The following MALRD1 variants were observed in gnomAD, a reference collection of about 807,000 sequenced individuals.
MALRD1 encodes the protein MAM and LDL-receptor class A domain-containing protein 1.
A neutral mutation model predicts 242.1 loss-of-function variants in MALRD1; 247 were observed. The ratio of observed to expected loss-of-function variants is 1.02; its 90% confidence interval spans 0.92 to 1.13. The LOEUF is 1.13. MALRD1 is among the 50% of genes most tolerant of loss of function. The pLI is 0.00. For missense variants in MALRD1, 2,989 were observed against 2,533.1 expected, an observed-to-expected ratio of 1.18 and a Z score of -3.86; for synonymous variants, 995 against 866.6, an observed-to-expected ratio of 1.15 and a Z score of -2.60.
intron 29 of MALRD1, among the ~76,000 whole-genome samples, chr10:19,471,440 T>A (rs1836490480): frequency 6.6e-6 from 1 of 151,808 alleles, no homozygotes; most frequent in African/African-American, 2.4e-5. Flanking sequence ...CGATATGAAT[T>A]TTAGGACTTT....
At chr10:19,302,043 A>G (rs951442129) in intron 21 of MALRD1, among the ~76,000 whole-genome samples, 1 of 151,882 alleles carries the variant, frequency 6.6e-6, no homozygotes, top group African/African-American at 2.4e-5. Context: ...GAAAATTCAA[A>G]TCAAAACCAG....
chr10:19,606,515 C>G (rs1838633790), intron 34 of MALRD1, among the ~76,000 whole-genome samples: 1 of 152,120 alleles, frequency 6.6e-6, no homozygotes, highest in Non-Finnish European at 1.5e-5. Flanking sequence ...GGTTAGAAAA[C>G]AAGTATAGAT....
In MALRD1 at chr10:19,480,230, C is replaced by T. The variant is rs371998978; in HGVS notation, c.5030-11287C>T. 5.8e-4 allele frequency among the ~76,000 whole-genome samples: 88 copies of T among 152,226 alleles called. 1 individual carries two copies. The South Asian group carries it at 0.018, about 32-fold the overall frequency. Reference sequence around the variant, plus strand: ...GAAGCTAGTGTGTGAATTTTTAATCCTGTTTAGTGTGTCTGATATGTTGCG... The same window carrying T: ...GAAGCTAGTGTGTGAATTTTTAATCTTGTTTAGTGTGTCTGATATGTTGCG... On this transcript the variant is annotated intron_variant, in intron 29 of 39. Coordinates refer to ENST00000454679, the MANE Select transcript of MALRD1 (RefSeq NM_001142308.3).
chr10:19,680,250 C>T (rs1362485051), intron 36 of MALRD1, among the ~76,000 whole-genome samples: 2 of 152,186 alleles, frequency 1.3e-5, no homozygotes, highest in East Asian at 1.9e-4. Context: ...TTAAAGTCTT[C>T]CACTATTATT....
intron 16 of MALRD1, 73 bp downstream of exon 16, chr10:19,204,486 C>G (rs2358348): frequency 0.72 from 663,727 of 925,134 alleles, 240,230 homozygotes; most frequent in South Asian, 0.83. Context: ...AGGCATACCT[C>G]TGCACTTATT....
chr10:19,274,521 G>A (rs1015539580), intron 19 of MALRD1, among the ~76,000 whole-genome samples: 5 of 152,118 alleles, frequency 3.3e-5, no homozygotes, highest in Non-Finnish European at 5.9e-5. Context: ...AGGATACAAG[G>A]AGAAAATGGC....
At chr10:19,470,406 T>A (rs1224305346) in intron 29 of MALRD1, among the ~76,000 whole-genome samples, 1 of 152,044 alleles carries the variant, frequency 6.6e-6, no homozygotes, top group East Asian at 1.9e-4. Context: ...CGATACCAGG[T>A]GTAAATATCT....
intron 38 of MALRD1, among the ~76,000 whole-genome samples, chr10:19,716,210 G>A (rs1834378879): frequency 6.6e-6 from 1 of 152,146 alleles, no homozygotes; most frequent in Admixed American, 6.5e-5. Context: ...AAAAGGAGGT[G>A]GTATGGTTTG....
At chr10:19,401,310 A>G (rs1280696355) in intron 28 of MALRD1, among the ~76,000 whole-genome samples, 2 of 152,174 alleles carry the variant, frequency 1.3e-5, no homozygotes, top group Non-Finnish European at 2.9e-5. Flanking sequence ...ACTTATTAAC[A>G]TATTTAGCTT....
At position 19,084,527 on chromosome 10, in the gene MALRD1, T is replaced by A. The variant is rs11008417; in HGVS notation, c.341-3313T>A. Reference sequence around the variant, plus strand: ...TCTGTAGCATGCAACAGGATTTATGTTTCTCCTGCTCACATTCAGGTCCAT... The same window carrying A: ...TCTGTAGCATGCAACAGGATTTATGATTCTCCTGCTCACATTCAGGTCCAT... On this transcript the variant is annotated intron_variant, in intron 2 of 39. Transcript: ENST00000454679. Among the ~76,000 whole-genome samples the A allele has an allele frequency of 2.6e-4, 40 of 152,044 alleles. No individual in the cohort carries two copies. In the East Asian group the frequency reaches 6.8e-3, roughly 26 times the overall value.
intron 32 of MALRD1, among the ~76,000 whole-genome samples, chr10:19,550,923 A>G (rs951894391): frequency 6.6e-6 from 1 of 152,112 alleles, no homozygotes; most frequent in African/African-American, 2.4e-5. Flanking sequence ...GAATCACCAC[A>G]CTGTCTTCCA....
intron 31 of MALRD1, among the ~76,000 whole-genome samples, chr10:19,518,337 ATAAC>A (rs1318432915): frequency 1.3e-5 from 2 of 152,226 alleles, no homozygotes; most frequent in African/African-American, 4.8e-5. Context: ...GTGTCCATAA[ATAAC>A]TGTCTTCTGA....
chr10:19,611,237 A>G lies in MALRD1; in HGVS notation c.6070+3335A>G, dbSNP rs189905704. Among the ~76,000 whole-genome samples the G allele has an allele frequency of 1.8e-3, 279 of 152,056 alleles. 2 individuals are homozygous for G. Among genetic ancestry groups the G allele is most frequent in the Middle Eastern group, 0.014 (4 of 294 alleles). On this transcript the variant is annotated intron_variant, in intron 35 of 39. Coordinates refer to ENST00000454679, the MANE Select transcript of MALRD1 (RefSeq NM_001142308.3). ...CTAGCTCAAAGTCCCATAAGTCTTAAATGACTGAGCCAGGTATCATCAGGG... is the reference window on the plus strand; with the variant it reads ...CTAGCTCAAAGTCCCATAAGTCTTAGATGACTGAGCCAGGTATCATCAGGG...
intron 29 of MALRD1, among the ~76,000 whole-genome samples, chr10:19,455,300 T>C (rs1835585883): frequency 6.6e-6 from 1 of 152,196 alleles, no homozygotes; most frequent in Non-Finnish European, 1.5e-5. Context: ...TTTAAATGAC[T>C]TCTGAAATTT....
At chr10:19,307,945 G>A (rs549460969) in intron 21 of MALRD1, among the ~76,000 whole-genome samples, 3 of 151,452 alleles carry the variant, frequency 2.0e-5, no homozygotes, top group Admixed American at 6.6e-5. Context: ...TACATATGAT[G>A]TTTTGATACA....
Position 19,498,680 on chromosome 10 carries a change from C to T in MALRD1, c.5320+34C>T, listed in dbSNP as rs1427968474. 4 of 1,530,372 alleles carry T rather than the reference C, an allele frequency of 2.6e-6. No homozygotes were observed. The African/African-American group carries it at 5.5e-5, about 21-fold the overall frequency. The allele number at this position is 1,530,372 out of a possible 1,614,324, so 94.8% of individuals were successfully genotyped here. A position where few individuals can be genotyped will look rare whatever the true frequency, so the allele number is the denominator to read the frequency against. On this transcript the variant is annotated intron_variant, in intron 31 of 39. Coordinates refer to ENST00000454679, the MANE Select transcript of MALRD1 (RefSeq NM_001142308.3). The stretch of plus-strand genomic sequence containing the variant: ...AGTAGCCATCCCCAGACCAAGAAAC[C>T]CACTCATCTTAAAGTCTGCTTTAAC...
chr10:19,237,925 T>C (rs1460198106), intron 18 of MALRD1, among the ~76,000 whole-genome samples: 1 of 30,052 alleles, frequency 3.3e-5, no homozygotes, highest in African/African-American at 2.2e-4. Context: ...TATATAATTA[T>C]ATGTAATTTT....
At chr10:19,205,330 C>G in intron 17 of MALRD1, 65 bp downstream of exon 17, 1 of 1,460,672 alleles carries the variant, frequency 6.8e-7, no homozygotes, top group Non-Finnish European at 9.0e-7. Context: ...GATGAATTCA[C>G]TTTTGTCTTG....
chr10:19,318,226 A>G, intron 21 of MALRD1, among the ~76,000 whole-genome samples: 1 of 152,150 alleles, frequency 6.6e-6, no homozygotes, highest in East Asian at 1.9e-4. Flanking sequence ...TCATACATAC[A>G]TCATGTGCCC....
Sources: gnomAD v4.1 joint callset for allele counts (sites outside exome capture counted in the v4.1 genomes callset) on GRCh38, gnomAD v4.1.1 for gene constraint, MANE v1.5 for transcripts, NCBI Gene and HGNC (gene_info 2026-07-23, HGNC 2026-07-21) for gene names.